The following XKR3 variants were observed in gnomAD, a reference collection of about 807,000 sequenced individuals.
XKR3 encodes XK-related protein 3.
A neutral mutation model predicts 40.3 loss-of-function variants in XKR3; 27 were observed. That is an observed-to-expected ratio of 0.67 (90% CI 0.49 to 0.92). XKR3 has a LOEUF of 0.92. XKR3 is among the 40% of genes least tolerant of loss of function. The pLI, the probability that XKR3 is intolerant of heterozygous loss-of-function variation, is 0.00. For missense variants in XKR3, 472 were observed against 537.6 expected, an observed-to-expected ratio of 0.88 and a Z score of 1.21; for synonymous variants, 193 against 195.4, an observed-to-expected ratio of 0.99 and a Z score of 0.10.
chr22:16,812,412 C>T (rs138274012), intron 1 of XKR3, among the ~76,000 whole-genome samples: 68 of 152,254 alleles, frequency 4.5e-4, no homozygotes, highest in Non-Finnish European at 5.1e-4. Flanking sequence ...CGCGGTGGCT[C>T]ACGTCTGTAG....
chr22:16,824,372 T>A (rs1356537200), intron 1 of XKR3, among the ~76,000 whole-genome samples: 1 of 152,128 alleles, frequency 6.6e-6, no homozygotes, highest in Non-Finnish European at 1.5e-5. Context: ...AGGATGTTAC[T>A]TTTAAAGACA....
At chr22:16,824,102 T>G (rs1430378030) in intron 1 of XKR3, among the ~76,000 whole-genome samples, 1 of 152,078 alleles carries the variant, frequency 6.6e-6, no homozygotes, top group Admixed American at 6.6e-5. Flanking sequence ...AATGAATAGA[T>G]GAGAAAAATC....
chr22:16,795,950 G>GA (rs2060138695), intron 3 of XKR3, among the ~76,000 whole-genome samples: 1 of 149,530 alleles, frequency 6.7e-6, no homozygotes, highest in Non-Finnish European at 1.5e-5. Flanking sequence ...CTTGGTGACA[G>GA]AAAAAAACTC....
At chr22:16,785,805 G>A (rs1327209451) in intron 3 of XKR3, among the ~76,000 whole-genome samples, 4 of 152,072 alleles carry the variant, frequency 2.6e-5, no homozygotes, top group Non-Finnish European at 5.9e-5. Context: ...CCAGGATAGC[G>A]CCACTGGACT....
intron 1 of XKR3, among the ~76,000 whole-genome samples, chr22:16,820,574 T>G (rs1378790075): frequency 2.0e-5 from 3 of 152,170 alleles, no homozygotes; most frequent in Non-Finnish European, 4.4e-5. Flanking sequence ...ATATTGTTAT[T>G]AATTCACTGA....
At chr22:16,791,654 C>T (rs1342824392) in intron 3 of XKR3, among the ~76,000 whole-genome samples, 1 of 143,316 alleles carries the variant, frequency 7.0e-6, no homozygotes, top group South Asian at 2.2e-4. Context: ...ACAATAAAAA[C>T]ATACAATGTA....
At chr22:16,791,390 A>G (rs2060115142) in intron 3 of XKR3, among the ~76,000 whole-genome samples, 1 of 152,122 alleles carries the variant, frequency 6.6e-6, no homozygotes, top group Non-Finnish European at 1.5e-5. Flanking sequence ...TAGGAAAAGA[A>G]AGAATGAGGA....
chr22:16,809,802 G>C (rs2060205537), intron 1 of XKR3, among the ~76,000 whole-genome samples: 1 of 152,110 alleles, frequency 6.6e-6, no homozygotes, highest in Admixed American at 6.5e-5. Context: ...CTGTTGTCCA[G>C]GCTGGAGTGT....
intron 3 of XKR3, among the ~76,000 whole-genome samples, chr22:16,795,487 C>T (rs1393666869): frequency 1.3e-5 from 2 of 151,886 alleles, no homozygotes; most frequent in East Asian, 3.9e-4. Flanking sequence ...AACTTTGCAC[C>T]TAAAAGAACT....
chr22:16,792,028 G>C (rs1300613722), intron 3 of XKR3, among the ~76,000 whole-genome samples: 3 of 151,858 alleles, frequency 2.0e-5, no homozygotes, highest in Non-Finnish European at 2.9e-5. Flanking sequence ...TGCATCCTCC[G>C]TCTGCTGGGT....
At chr22:16,824,742 C>G (rs531949790) in intron 1 of XKR3, among the ~76,000 whole-genome samples, 1 of 152,284 alleles carries the variant, frequency 6.6e-6, no homozygotes, top group East Asian at 1.9e-4. Flanking sequence ...GCTGCCCCAA[C>G]CACTTCCTTC....
At chr22:16,795,450 G>A (rs1379043128) in intron 3 of XKR3, among the ~76,000 whole-genome samples, 1 of 152,066 alleles carries the variant, frequency 6.6e-6, no homozygotes, top group Non-Finnish European at 1.5e-5. Context: ...TCATCAAGAA[G>A]TTAGAAAAAT....
At chr22:16,795,842 C>T (rs905506573) in intron 3 of XKR3, among the ~76,000 whole-genome samples, 1 of 152,024 alleles carries the variant, frequency 6.6e-6, no homozygotes, top group African/African-American at 2.4e-5. Flanking sequence ...TGGTACATGC[C>T]TGTAATCCCA....
intron 3 of XKR3, among the ~76,000 whole-genome samples, chr22:16,785,673 G>A (rs1422263600): frequency 6.6e-6 from 1 of 151,954 alleles, no homozygotes; most frequent in Non-Finnish European, 1.5e-5. Context: ...GACCATTCTG[G>A]GTGACACAGT....
chr22:16,784,608 C>T (rs1268135078), intron 3 of XKR3, among the ~76,000 whole-genome samples, 199 bp from the exon 4 acceptor site: 2 of 152,066 alleles, frequency 1.3e-5, no homozygotes, highest in Admixed American at 6.5e-5. Context: ...ATATATTACA[C>T]CTTGGAAAAA....
intron 1 of XKR3, among the ~76,000 whole-genome samples, chr22:16,815,947 G>T (rs1021393527): frequency 6.6e-6 from 1 of 151,160 alleles, no homozygotes; most frequent in African/African-American, 2.4e-5. Context: ...ATCTATTATT[G>T]TCCCTCCTTA....
At chr22:16,797,583 G>A (rs2060147001) in intron 3 of XKR3, among the ~76,000 whole-genome samples, 1 of 151,282 alleles carries the variant, frequency 6.6e-6, no homozygotes, top group East Asian at 2.0e-4. Flanking sequence ...ACGAGGTCAG[G>A]AGATCAAGAC....
At chr22:16,815,115 G>C (rs1322773727) in intron 1 of XKR3, among the ~76,000 whole-genome samples, 2 of 151,544 alleles carry the variant, frequency 1.3e-5, no homozygotes, top group Non-Finnish European at 3.0e-5. Flanking sequence ...CTTTTTTCAG[G>C]CTGAGGTATT....
chr22:16,810,606 T>C (rs567170323), intron 1 of XKR3, among the ~76,000 whole-genome samples: 2 of 152,264 alleles, frequency 1.3e-5, no homozygotes, highest in East Asian at 3.9e-4. Flanking sequence ...CATTTTAAAG[T>C]ACACATTTAG....
Sources: gnomAD v4.1 joint callset for allele counts (sites outside exome capture counted in the v4.1 genomes callset) on GRCh38, gnomAD v4.1.1 for gene constraint, MANE v1.5 for transcripts, NCBI Gene and HGNC (gene_info 2026-07-23, HGNC 2026-07-21) for gene names.